Variants in KHDC1 observed in about 807,000 individuals in gnomAD.
KHDC1 encodes the protein KH domain containing 1.
KHDC1 carries 21 observed loss-of-function variants against 24.7 expected under a neutral mutation model. The observed-to-expected ratio is 0.85, with a 90% CI of 0.60 to 1.23. The LOEUF is 1.23. Among genes scored for constraint, KHDC1 ranks in the 50% most tolerant of loss-of-function variants. The pLI is 0.00. For missense variants in KHDC1, 274 were observed against 298.5 expected (o/e 0.92, Z 0.61); for synonymous variants, 98 against 111.7 (o/e 0.88, Z 0.77).
chr6:73,269,766 T>C (rs1009289731), intron 2 of KHDC1: 1 of 151,820 alleles, frequency 6.6e-6, no homozygotes, highest in African/African-American at 2.4e-5. Flanking sequence ...TTTTACTGTT[T>C]GTTGTTGTTG....
intron 2 of KHDC1, among the ~76,000 whole-genome samples, chr6:73,261,512 G>A (rs1257009998): frequency 1.3e-5 from 2 of 151,990 alleles, no homozygotes; most frequent in African/African-American, 2.4e-5. Context: ...GCTCACACCT[G>A]TAATCCCAAC....
intron 2 of KHDC1, among the ~76,000 whole-genome samples, chr6:73,263,979 G>A (rs567048747): frequency 5.9e-5 from 9 of 152,250 alleles, no homozygotes; most frequent in South Asian, 2.1e-4. Flanking sequence ...AGCAAGGATC[G>A]CTTGAGCCCA....
chr6:73,286,499 T>G (rs778070964), intron 2 of KHDC1, among the ~76,000 whole-genome samples: 37 of 152,326 alleles, frequency 2.4e-4, no homozygotes, highest in Middle Eastern at 3.4e-3. Flanking sequence ...AACTAAGCAC[T>G]GAGAGCCACA....
intron 2 of KHDC1, among the ~76,000 whole-genome samples, chr6:73,273,889 T>C (rs941061776): frequency 6.6e-6 from 1 of 151,898 alleles, no homozygotes; most frequent in African/African-American, 2.4e-5. Context: ...GAGGCAAAGG[T>C]GGGAGGATCA....
At chr6:73,288,856 G>A (rs998874440) in intron 2 of KHDC1, among the ~76,000 whole-genome samples, 1 of 150,052 alleles carries the variant, frequency 6.7e-6, no homozygotes. Flanking sequence ...GAGGTAGGGA[G>A]TGTTTAGATA....
chr6:73,250,588 T>A (rs1268587361), intron 2 of KHDC1, among the ~76,000 whole-genome samples: 2 of 152,248 alleles, frequency 1.3e-5, no homozygotes, highest in Admixed American at 6.5e-5. Context: ...AATAATACAG[T>A]GCTTTATTAG....
At chr6:73,273,903 GA>G (rs1164031882) in intron 2 of KHDC1, among the ~76,000 whole-genome samples, 2 of 152,180 alleles carry the variant, frequency 1.3e-5, no homozygotes, top group African/African-American at 4.8e-5. Context: ...AGGATCACTT[GA>G]AGCCAAGAGT....
In KHDC1 at chr6:73,309,517, A is replaced by C. The variant is rs184846035; in HGVS notation, c.163+35T>G. On this transcript the variant is annotated intron_variant, in intron 1 of 4. Coordinates refer to ENST00000370384, the Ensembl canonical transcript of KHDC1. The stretch of plus-strand genomic sequence containing the variant: ...GCCTTTCCGGGCACCTGGGTGAAGG[A>C]AGCTTTTCCTACCAGGGCCCCTAAA... 1.1e-4 allele frequency: 169 copies of C among 1,487,930 alleles called. No homozygotes were observed. The East Asian group carries it at 4.0e-3, about 36-fold the overall frequency. The allele number at this position is 1,487,930 out of a possible 1,614,324, so 92.2% of individuals were successfully genotyped here.
chr6:73,278,856 A>G (rs767361877), intron 2 of KHDC1, among the ~76,000 whole-genome samples: 4 of 152,192 alleles, frequency 2.6e-5, no homozygotes, highest in Non-Finnish European at 5.9e-5. Flanking sequence ...ATAAGGGGGC[A>G]CTATTGTACA....
chr6:73,243,458 G>A (rs545528798), intron 2 of KHDC1, among the ~76,000 whole-genome samples: 39 of 152,256 alleles, frequency 2.6e-4, no homozygotes, highest in African/African-American at 7.0e-4. Flanking sequence ...CAAGTTTATC[G>A]GGAGAACCTT....
At chr6:73,251,405 T>C (rs1766774884) in intron 2 of KHDC1, among the ~76,000 whole-genome samples, 1 of 152,142 alleles carries the variant, frequency 6.6e-6, no homozygotes. Context: ...ATATATGTAA[T>C]AAAAGTCAAA....
chr6:73,288,424 C>T (rs1169197516), intron 2 of KHDC1, among the ~76,000 whole-genome samples: 1 of 152,128 alleles, frequency 6.6e-6, no homozygotes, highest in Non-Finnish European at 1.5e-5. Context: ...AGTTCAAGAC[C>T]AGCCTGGGCA....
chr6:73,267,280 G>A (rs1000759920), intron 2 of KHDC1, among the ~76,000 whole-genome samples: 4 of 152,130 alleles, frequency 2.6e-5, no homozygotes, highest in Non-Finnish European at 4.4e-5. Context: ...AGGAGTTCAA[G>A]ACCAGCCTGG....
chr6:73,263,357 A>C (rs1255844508), intron 2 of KHDC1, 161 bp from the exon 1 acceptor site: 14 of 886,770 alleles, frequency 1.6e-5, no homozygotes, highest in Non-Finnish European at 1.9e-5. Context: ...AGGAGGGACG[A>C]GCCAGTGGCA....
chr6:73,301,185 A>C (rs1475597642), intron 1 of KHDC1: 1 of 151,526 alleles, frequency 6.6e-6, no homozygotes, highest in Admixed American at 6.6e-5. Context: ...GCACCCCTGC[A>C]CTCCAGCCTG....
At chr6:73,289,053 G>C (rs1180841646) in intron 2 of KHDC1, among the ~76,000 whole-genome samples, 1 of 151,928 alleles carries the variant, frequency 6.6e-6, no homozygotes, top group Non-Finnish European at 1.5e-5. Flanking sequence ...TAAAATCTAG[G>C]TCAGTCACAG....
intron 2 of KHDC1, among the ~76,000 whole-genome samples, chr6:73,246,489 T>C (rs1766667655): frequency 6.6e-6 from 1 of 152,142 alleles, no homozygotes; most frequent in Admixed American, 6.6e-5. Context: ...CACTCCCTTC[T>C]CAAGTAAGAG....
At chr6:73,244,690 T>G (rs867696517) in intron 2 of KHDC1, among the ~76,000 whole-genome samples, 809 of 3,020 alleles carry the variant, frequency 0.27, 7 homozygotes, top group Non-Finnish European at 0.33. Flanking sequence ...TTGGGGGAGG[T>G]GGGCGGGGGG....
Position 73,257,719 on chromosome 6 carries a change from T to C in KHDC1, c.207-15189A>G, listed in dbSNP as rs188197070. Among the ~76,000 whole-genome samples the C allele has an allele frequency of 2.6e-3, 393 of 152,150 alleles. 3 individuals carry two copies. The highest frequency in any genetic ancestry group is 8.7e-3 in the African/African-American group (360 of 41,528). On this transcript the variant is annotated intron_variant, in intron 2 of 4. Coordinates refer to ENST00000370384, the Ensembl canonical transcript of KHDC1. ...GCCCTTTTTGGTTCTTGATTATAATTCATCTTTAAATAGTTAAGAGCAACT... is the reference window on the plus strand; with the variant it reads ...GCCCTTTTTGGTTCTTGATTATAATCCATCTTTAAATAGTTAAGAGCAACT...
Sources: allele counts gnomAD v4.1 joint callset (sites outside exome capture counted in the v4.1 genomes callset), GRCh38; gene constraint gnomAD v4.1.1; transcripts MANE v1.5; gene names NCBI Gene and HGNC (gene_info 2026-07-23, HGNC 2026-07-21).